FOXP1: variants seen among roughly 807,000 people sequenced by gnomAD.
FOXP1 encodes forkhead box P1.
In FOXP1, 15 loss-of-function variants were observed where a neutral mutation model predicts 98.2. The observed-to-expected ratio is 0.15, with a 90% CI of 0.10 to 0.24. The LOEUF is 0.24. FOXP1 is among the 10% of genes least tolerant of loss of function. The pLI is 1.00. For missense variants in FOXP1, 633 were observed against 848.5 expected (o/e 0.75, Z 3.15); for synonymous variants, 371 against 314.5 (o/e 1.18, Z -1.90).
At chr3:71,027,167 A>G (rs145046940) in intron 11 of FOXP1, among the ~76,000 whole-genome samples, 30 of 151,316 alleles carry the variant, frequency 2.0e-4, no homozygotes, top group East Asian at 2.0e-4. Flanking sequence ...CATTATGTCA[A>G]TGCAAGTGTG....
At chr3:71,294,975 G>C (rs910298252) in intron 5 of FOXP1, among the ~76,000 whole-genome samples, 3 of 152,186 alleles carry the variant, frequency 2.0e-5, no homozygotes, top group African/African-American at 7.2e-5. Context: ...AGCTACATTG[G>C]TCTGGTTGTT....
intron 6 of FOXP1, among the ~76,000 whole-genome samples, chr3:71,153,963 G>A (rs2060699564): frequency 6.6e-6 from 1 of 152,078 alleles, no homozygotes; most frequent in Admixed American, 6.6e-5. Flanking sequence ...TAGTGATTAT[G>A]TACAATTGAC....
chr3:71,510,258 G>A (rs185197687), intron 2 of FOXP1, among the ~76,000 whole-genome samples: 2 of 151,976 alleles, frequency 1.3e-5, no homozygotes, highest in Admixed American at 1.3e-4. Context: ...GGAGTCCAAG[G>A]CGGGTGTATC....
chr3:71,303,236 C>G (rs1488151583), intron 4 of FOXP1, among the ~76,000 whole-genome samples: 1 of 152,120 alleles, frequency 6.6e-6, no homozygotes, highest in Non-Finnish European at 1.5e-5. Flanking sequence ...AAAAGCAACT[C>G]TGAAGTATGC....
intron 3 of FOXP1, among the ~76,000 whole-genome samples, chr3:71,431,805 G>A (rs2084744382): frequency 6.6e-6 from 1 of 152,160 alleles, no homozygotes. Context: ...CAGGCCTCCT[G>A]GCTTTTTCCT....
intron 4 of FOXP1, among the ~76,000 whole-genome samples, chr3:71,328,759 G>A (rs542505817): frequency 2.0e-5 from 3 of 151,970 alleles, no homozygotes; most frequent in Non-Finnish European, 4.4e-5. Flanking sequence ...GATCACCGGA[G>A]GTTGGGAGTT....
In FOXP1 at chr3:71,325,649, G is replaced by GTATTAT. The variant is rs10575337; in HGVS notation, c.-72-25775_-72-25770dup. Among the ~76,000 whole-genome samples, 337 of 148,084 alleles carry GTATTAT rather than the reference G, an allele frequency of 2.3e-3. 2 individuals carry two copies. Among genetic ancestry groups the GTATTAT allele is most frequent in the East Asian group, 9.4e-3 (47 of 4,978 alleles). ...GCCTATAAAGAAATCTCCTACAAAT[G>GTATTAT]TATTATTATTATTATTATTATTATT... is the stretch of plus-strand genomic sequence containing the variant. On this transcript the variant is annotated intron_variant, in intron 4 of 20. Transcript: ENST00000649528.
chr3:71,055,190 C>T (rs776678051), intron 7 of FOXP1, among the ~76,000 whole-genome samples: 4 of 152,168 alleles, frequency 2.6e-5, no homozygotes, highest in Non-Finnish European at 2.9e-5. Flanking sequence ...ACTGATGTCC[C>T]GATTTCTCAG....
At chr3:71,269,078 C>T (rs1039289872) in intron 5 of FOXP1, among the ~76,000 whole-genome samples, 6 of 150,924 alleles carry the variant, frequency 4.0e-5, no homozygotes, top group Admixed American at 6.6e-5. Context: ...CTCACAGCTA[C>T]TCAGAGTGGG....
intron 3 of FOXP1, among the ~76,000 whole-genome samples, chr3:71,436,838 T>G (rs1328647127): frequency 6.6e-6 from 1 of 152,192 alleles, no homozygotes; most frequent in South Asian, 2.1e-4. Flanking sequence ...TAATGTAATT[T>G]TGGCGTAACT....
chr3:71,463,272 G>A (rs1427937392), intron 3 of FOXP1, among the ~76,000 whole-genome samples: 1 of 148,252 alleles, frequency 6.7e-6, no homozygotes, highest in Non-Finnish European at 1.5e-5. Flanking sequence ...GCTGAGGCAC[G>A]AGAATTGCTT....
At chr3:71,215,758 A>G (rs1199839048) in intron 5 of FOXP1, among the ~76,000 whole-genome samples, 1 of 152,220 alleles carries the variant, frequency 6.6e-6, no homozygotes, top group Non-Finnish European at 1.5e-5. Flanking sequence ...AGAGAGCAAC[A>G]CTAACTTTCT....
chr3:71,111,633 A>T (rs2057935380), intron 7 of FOXP1, among the ~76,000 whole-genome samples: 1 of 152,116 alleles, frequency 6.6e-6, no homozygotes, highest in South Asian at 2.1e-4. Flanking sequence ...TCCTGACCTC[A>T]AGTGATCCGC....
intron 3 of FOXP1, among the ~76,000 whole-genome samples, chr3:71,392,172 C>T (rs985014043): frequency 6.6e-6 from 1 of 152,092 alleles, no homozygotes; most frequent in Non-Finnish European, 1.5e-5. Flanking sequence ...AATAATAGTC[C>T]TTTATAAAAC....
At chr3:71,466,124 G>A (rs1440098291) in intron 3 of FOXP1, among the ~76,000 whole-genome samples, 1 of 152,128 alleles carries the variant, frequency 6.6e-6, no homozygotes, top group African/African-American at 2.4e-5. Flanking sequence ...GCACAAGTGC[G>A]TACAGACCCC....
intron 2 of FOXP1, among the ~76,000 whole-genome samples, chr3:71,539,897 G>A (rs2044651545): frequency 6.6e-6 from 1 of 152,144 alleles, no homozygotes; most frequent in Non-Finnish European, 1.5e-5. Flanking sequence ...ATTCATGTCA[G>A]GCTTTTTAAG....
chr3:71,556,866 C>T (rs2046181405), intron 2 of FOXP1, among the ~76,000 whole-genome samples: 3 of 151,850 alleles, frequency 2.0e-5, no homozygotes, highest in Non-Finnish European at 4.4e-5. Context: ...TTATTTATTT[C>T]AGCAAAAGAC....
At chr3:71,176,743 CAAAAAAAAAAAAA>C (rs573639526) in intron 6 of FOXP1, among the ~76,000 whole-genome samples, 3 of 75,522 alleles carry the variant, frequency 4.0e-5, no homozygotes, top group South Asian at 6.2e-4. Context: ...GAGGCTATCT[CAAAAAAAAAAAAA>C]AAAAAAAAAA....
intron 3 of FOXP1, among the ~76,000 whole-genome samples, chr3:71,411,303 GTGTGTGTGTGTGTGTA>G (rs1054740194): frequency 1.3e-5 from 2 of 149,410 alleles, no homozygotes; most frequent in Non-Finnish European, 1.5e-5. Context: ...GTGTGTGTGT[GTGTGTGTGTGTGTGTA>G]TGTGTGTGTG....
Sources: gnomAD v4.1 joint callset for allele counts (sites outside exome capture counted in the v4.1 genomes callset) on GRCh38, gnomAD v4.1.1 for gene constraint, MANE v1.5 for transcripts, NCBI Gene and HGNC (gene_info 2026-07-23, HGNC 2026-07-21) for gene names.